PIK3CD: variants seen among roughly 807,000 people sequenced by gnomAD.
PIK3CD encodes phosphatidylinositol 4,5-bisphosphate 3-kinase catalytic subunit delta isoform.
A neutral mutation model predicts 122.9 loss-of-function variants in PIK3CD; 20 were observed. That is an observed-to-expected ratio of 0.16 (90% CI 0.11 to 0.24). PIK3CD has a LOEUF of 0.24. PIK3CD is among the 10% of genes least tolerant of loss of function. The probability of loss-of-function intolerance (pLI) is 1.00; values close to 1 mark genes in which losing one functional copy is unlikely to be tolerated. For synonymous variants in PIK3CD, 596 were observed against 593.4 expected (o/e 1.00, Z -0.06); for missense variants, 787 against 1,406.3 (o/e 0.56, Z 7.04).
At chr1:9,703,655 A>T (rs989348974) in intron 2 of PIK3CD, among the ~76,000 whole-genome samples, 1 of 152,146 alleles carries the variant, frequency 6.6e-6, no homozygotes, top group African/African-American at 2.4e-5. Context: ...TATGTGTGTG[A>T]GAGTCATCGA....
chr1:9,714,241 A>G (rs1647174820), intron 3 of PIK3CD, among the ~76,000 whole-genome samples: 1 of 152,184 alleles, frequency 6.6e-6, no homozygotes, highest in Non-Finnish European at 1.5e-5. Context: ...GGCAAAGCAT[A>G]CACATCTCGA....
Position 9,657,034 on chromosome 1 carries a change from G to T in PIK3CD, c.-138+5232G>T, listed in dbSNP as rs557890790. Among the ~76,000 whole-genome samples the T allele has an allele frequency of 5.9e-5, 9 of 152,192 alleles. No homozygotes were observed. The East Asian group carries it at 1.7e-3, about 29-fold the overall frequency. On this transcript the variant is annotated intron_variant, in intron 1 of 23. Transcript: ENST00000377346. ...ATCAGCAAGGCCTCGCTCCCTCTGG[G>T]GGCTGTAGGGGGAGAATCCTGCTTT...
In PIK3CD at chr1:9,719,854, G is replaced by A; in HGVS notation, c.1243-67G>A. On this transcript the variant is annotated intron_variant, in intron 9 of 23. Coordinates refer to ENST00000377346, the MANE Select transcript of PIK3CD (RefSeq NM_005026.5). This position sits in a 1 kb window ranked among gnomAD's most constrained non-coding sequence, Gnocchi z 5.5. ...GGTCTTCTCGGGTGGGGTGCCTGGG[G>A]GAGGGCAGGGAAGCTGGGTCTGGAG... 1 of 1,284,884 alleles carries A rather than the reference G, an allele frequency of 7.8e-7. No individual in the cohort carries two copies. The highest frequency in any genetic ancestry group is 1.1e-6 in the Non-Finnish European group (1 of 880,694). 79.6% of individuals were successfully genotyped at this position (1,284,884 alleles called of 1,614,324 possible).
At chr1:9,676,169 A>C (rs190061586) in intron 1 of PIK3CD, among the ~76,000 whole-genome samples, 1 of 151,908 alleles carries the variant, frequency 6.6e-6, no homozygotes, top group African/African-American at 2.4e-5. Flanking sequence ...TGACCTCGTG[A>C]TCCACCTGCC....
chr1:9,670,150 C>CAA (rs375500599), intron 1 of PIK3CD, among the ~76,000 whole-genome samples: 163 of 60,128 alleles, frequency 2.7e-3, no homozygotes, highest in Admixed American at 3.5e-3. Context: ...AATTCCACCT[C>CAA]AAAAAAAAAA....
chr1:9,726,816 T>G, intron 23 of PIK3CD, 93 bp from the exon 24 acceptor site: 1 of 1,503,700 alleles, frequency 6.7e-7, no homozygotes, highest in Non-Finnish European at 9.2e-7. Flanking sequence ...ACTAACCATT[T>G]CATTCAGTGA....
chr1:9,667,064 A>G (rs6697096), intron 1 of PIK3CD, among the ~76,000 whole-genome samples: 21,298 of 151,970 alleles, frequency 0.14, 2,119 homozygotes, highest in East Asian at 0.54. Flanking sequence ...GGGTTTCACC[A>G]TGTTTTCCAA....
At chr1:9,705,923 G>C (rs1032845461) in intron 2 of PIK3CD, among the ~76,000 whole-genome samples, 4 of 152,154 alleles carry the variant, frequency 2.6e-5, no homozygotes, top group Non-Finnish European at 5.9e-5. Flanking sequence ...AAAGTTAATG[G>C]TGTGGTTATA....
intron 2 of PIK3CD, among the ~76,000 whole-genome samples, chr1:9,703,544 T>C (rs1012679844): frequency 6.6e-6 from 1 of 152,248 alleles, no homozygotes; most frequent in Non-Finnish European, 1.5e-5. Flanking sequence ...CCTATTTCTT[T>C]TGCCACCATA....
chr1:9,662,119 C>T (rs1645026525), intron 1 of PIK3CD, among the ~76,000 whole-genome samples: 2 of 151,980 alleles, frequency 1.3e-5, no homozygotes, highest in Admixed American at 1.3e-4. Context: ...GAGCCGAGAT[C>T]ATGCCACTGC....
intron 2 of PIK3CD, among the ~76,000 whole-genome samples, chr1:9,694,584 G>A (rs1012125389): frequency 6.6e-6 from 1 of 152,034 alleles, no homozygotes; most frequent in Non-Finnish European, 1.5e-5. Flanking sequence ...GAAGCCTACC[G>A]AGCAGCTAGC....
rs767118563 is a variant in PIK3CD, at chr1:9,720,918, G to A, written c.1689+9G>A. The A allele has an allele frequency of 3.2e-6, 5 of 1,578,794 alleles. No homozygotes were observed. The highest frequency in any genetic ancestry group is 3.4e-6 in the Non-Finnish European group (4 of 1,162,812). On this transcript the variant is annotated intron_variant, in intron 13 of 23. Coordinates refer to ENST00000377346, the MANE Select transcript of PIK3CD (RefSeq NM_005026.5). The surrounding 1 kb of genome is among the most constrained non-coding windows in gnomAD (Gnocchi z 9.0). ...ATGAGGATGTGGCCCAGGTGGGTGGGGAGGCGCACCTGGGGGCGGAGCTGG... is the reference window on the plus strand; with the variant it reads ...ATGAGGATGTGGCCCAGGTGGGTGGAGAGGCGCACCTGGGGGCGGAGCTGG...
At chr1:9,669,235 C>T (rs1213108618) in intron 1 of PIK3CD, among the ~76,000 whole-genome samples, 1 of 152,194 alleles carries the variant, frequency 6.6e-6, no homozygotes, top group African/African-American at 2.4e-5. Flanking sequence ...GTGGAGCTAT[C>T]ATAGCTCATT....
intron 2 of PIK3CD, among the ~76,000 whole-genome samples, chr1:9,708,933 G>T (rs538999978): frequency 7.9e-5 from 12 of 152,322 alleles, no homozygotes; most frequent in Non-Finnish European, 5.9e-5. Context: ...GGGGAAGGGA[G>T]AAGGGGACCT....
intron 1 of PIK3CD, among the ~76,000 whole-genome samples, chr1:9,661,344 T>C (rs1645003563): frequency 6.6e-6 from 1 of 152,054 alleles, no homozygotes; most frequent in Non-Finnish European, 1.5e-5. Flanking sequence ...CCTCCCAAAG[T>C]GCTGGGATTA....
At chr1:9,638,624 T>C in the PIK3CD span, among the ~76,000 whole-genome samples, 153 of 145,640 alleles carry the variant, frequency 1.1e-3, 1 homozygote, top group Non-Finnish European at 1.5e-3. Context: ...CCCAGCTACT[T>C]GGGAGGCTGA....
At chr1:9,664,329 G>A (rs1449157261) in intron 1 of PIK3CD, among the ~76,000 whole-genome samples, 2 of 152,136 alleles carry the variant, frequency 1.3e-5, no homozygotes, top group Admixed American at 6.6e-5. Flanking sequence ...GATTACAGGC[G>A]TGAACCACTG....
At chr1:9,725,127 C>T (rs114360781) in intron 23 of PIK3CD, among the ~76,000 whole-genome samples, 191 bp downstream of exon 23, 207 of 152,332 alleles carry the variant, frequency 1.4e-3, no homozygotes, top group African/African-American at 4.7e-3. Flanking sequence ...CAGAGTTGAG[C>T]CGCCCAGGCA....
chr1:9,675,471 A>T (rs933555421), intron 1 of PIK3CD, among the ~76,000 whole-genome samples: 2 of 151,944 alleles, frequency 1.3e-5, no homozygotes, highest in African/African-American at 4.8e-5. Flanking sequence ...ACTGAGGCAC[A>T]GAAAGGGGAA....
Sources: allele counts gnomAD v4.1 joint callset (sites outside exome capture counted in the v4.1 genomes callset), GRCh38; gene constraint gnomAD v4.1.1; non-coding constraint Gnocchi (gnomAD v3.1); transcripts MANE v1.5; gene names NCBI Gene and HGNC (gene_info 2026-07-23, HGNC 2026-07-21).